Variants in NAP1L1 observed in about 807,000 individuals in gnomAD.
The protein encoded by NAP1L1 is nucleosome assembly protein 1 like 1, also known as nucleosome assembly protein 1-like 1.
NAP1L1 carries 9 observed loss-of-function variants against 58.9 expected under a neutral mutation model. The ratio of observed to expected loss-of-function variants is 0.15; its 90% confidence interval spans 0.09 to 0.27. The LOEUF (loss-of-function observed/expected upper bound fraction) is 0.27. NAP1L1 is among the 10% of genes least tolerant of loss of function. The pLI is 1.00. For synonymous variants in NAP1L1, 130 were observed against 138.3 expected, an observed-to-expected ratio of 0.94 and a Z score of 0.42; for missense variants, 302 against 458.8, an observed-to-expected ratio of 0.66 and a Z score of 3.12.
intron 4 of NAP1L1, among the ~76,000 whole-genome samples, chr12:76,066,848 A>G (rs1167238831): frequency 1.3e-5 from 2 of 152,162 alleles, no homozygotes; most frequent in African/African-American, 2.4e-5. Context: ...AAAGATGTCT[A>G]TAACAATAGA....
At position 76,047,342 on chromosome 12, in the gene NAP1L1, T is replaced by A. The variant is rs1047852954; in HGVS notation, c.*1087A>T. ...AAGAAACCATAGAAGCTTGGGGCCT[T>A]CTCTCTAGCTCTAACCCAAAGAAAA... On this transcript the variant is annotated 3_prime_UTR_variant, in exon 15 of 15. Transcript: ENST00000618691. The A allele has an allele frequency of 2.0e-5, 3 of 150,532 alleles. No individual in the cohort carries two copies. 9.3% of individuals were successfully genotyped at this position (150,532 alleles called of 1,614,324 possible).
intron 1 of NAP1L1, among the ~76,000 whole-genome samples, chr12:76,077,775 G>A (rs1950238188): frequency 6.6e-6 from 1 of 151,912 alleles, no homozygotes; most frequent in Non-Finnish European, 1.5e-5. Context: ...CCTGAGCTTA[G>A]GAGTTAGAGA....
rs964518338 is a variant in NAP1L1, at chr12:76,061,590, A to G, written c.207-1311T>C. Among the ~76,000 whole-genome samples, 95 of 152,162 alleles carry G rather than the reference A, an allele frequency of 6.2e-4. 1 individual carries two copies. The highest frequency in any genetic ancestry group is 3.2e-4 in the Non-Finnish European group (22 of 68,034). On this transcript the variant is annotated intron_variant, in intron 4 of 14. Coordinates refer to ENST00000618691, the MANE Select transcript of NAP1L1 (RefSeq NM_004537.7). ...GGGGCACTGATTTTTAAAAGGTTAT[A>G]CACACTAGGTTATGAGTCTCCTAAA...
chr12:76,083,065 G>A (rs1950468296), intron 1 of NAP1L1, among the ~76,000 whole-genome samples: 1 of 152,136 alleles, frequency 6.6e-6, no homozygotes, highest in African/African-American at 2.4e-5. Flanking sequence ...GGCTCCTTGA[G>A]GACATCCTGC....
At chr12:76,057,331 T>C (rs1949157129) in intron 6 of NAP1L1, 1 of 346,544 alleles carries the variant, frequency 2.9e-6, no homozygotes, top group South Asian at 2.7e-5. Flanking sequence ...TAATGACTTT[T>C]TGAGTACAGA....
At chr12:76,070,830 A>T (rs1405877762) in intron 2 of NAP1L1, among the ~76,000 whole-genome samples, 2 of 152,118 alleles carry the variant, frequency 1.3e-5, no homozygotes, top group South Asian at 2.1e-4. Context: ...TCACCTCTAG[A>T]TTACTTATAA....
rs921955083 is a variant in NAP1L1, at chr12:76,056,097, T to C, written c.494A>G (p.Lys165Arg). The C allele has an allele frequency of 1.4e-5, 23 of 1,612,720 alleles. No individual in the cohort carries two copies. Among genetic ancestry groups the C allele is most frequent in the East Asian group, 6.7e-5 (3 of 44,790 alleles). Residue 165 changes from lysine to arginine, a missense_variant, in exon 7 of 15, where the codon AAA becomes AGA. Physicochemically the swap from Lys to Arg is conservative, Grantham distance 26. Coordinates refer to ENST00000618691, the MANE Select transcript of NAP1L1 (RefSeq NM_004537.7). The part of the protein sequence containing the change: ...EKKDEEKEDP[K>R]GIPEFWLTVF... The stretch of plus-strand genomic sequence containing the variant: ...AGTTAACCAAAATTCAGGAATTCCT[T>C]TGGGGTCTTCTTTTTCTTCATCTTT...
intron 1 of NAP1L1, among the ~76,000 whole-genome samples, chr12:76,081,116 A>C (rs1161157453): frequency 3.3e-5 from 5 of 152,090 alleles, no homozygotes; most frequent in Non-Finnish European, 7.3e-5. Context: ...CAGGTATTCT[A>C]AGCAACAGAA....
intron 10 of NAP1L1, 21 bp downstream of exon 10, chr12:76,053,184 T>C: frequency 6.2e-7 from 1 of 1,612,868 alleles, no homozygotes; most frequent in Non-Finnish European, 8.5e-7. Flanking sequence ...CCGTTAATAC[T>C]CAAGCTAAAA....
intron 2 of NAP1L1, among the ~76,000 whole-genome samples, chr12:76,069,462 A>G (rs1175514202): frequency 6.6e-6 from 1 of 152,210 alleles, no homozygotes; most frequent in East Asian, 1.9e-4. Context: ...CCTTAACAGG[A>G]TGGTAGATAG....
intron 6 of NAP1L1, chr12:76,058,088 AGAT>A (rs931144946): frequency 1.3e-6 from 1 of 758,696 alleles, no homozygotes; most frequent in Non-Finnish European, 2.5e-6. Context: ...AGACAGAAGT[AGAT>A]GATGACAGCA....
Position 76,048,208 on chromosome 12 carries a change from G to A in NAP1L1, c.*221C>T. On this transcript the variant is annotated 3_prime_UTR_variant, in exon 15 of 15. Transcript: ENST00000618691. The stretch of plus-strand genomic sequence containing the variant: ...AGAACCAAATTATGTAGCAATGAAT[G>A]AACATGCGTGACAGAATTTGTGCAT... 2.2e-6 allele frequency: 1 copy of A among 464,238 alleles called. No homozygotes were observed. Among genetic ancestry groups the A allele is most frequent in the South Asian group, 4.6e-5 (1 of 21,914 alleles). The allele number at this position is 464,238 out of a possible 1,614,324, so 28.8% of individuals were successfully genotyped here.
intron 4 of NAP1L1, among the ~76,000 whole-genome samples, chr12:76,063,355 T>C (rs981103279): frequency 6.6e-6 from 1 of 152,142 alleles, no homozygotes; most frequent in Non-Finnish European, 1.5e-5. Context: ...CCATTAACTT[T>C]GGAACCAGAA....
rs548636747 is a variant in NAP1L1 at position 76,046,275 on chromosome 12, A to T, written c.*2154T>A. 9.2e-5 allele frequency: 14 copies of T among 152,516 alleles called. No homozygotes were observed. Among genetic ancestry groups the T allele is most frequent in the African/African-American group, 3.4e-4 (14 of 41,552 alleles). 9.4% of individuals were successfully genotyped at this position (152,516 alleles called of 1,614,324 possible). On this transcript the variant is annotated 3_prime_UTR_variant, in exon 15 of 15. Transcript: ENST00000618691. ...TTTTGGAACTGGAAAAATGGCATAA[A>T]CACTGACGTCCCTTAAAACTTCAAT...
chr12:76,076,592 A>ATATATATATC (rs1565747788), intron 1 of NAP1L1, among the ~76,000 whole-genome samples: 20 of 139,722 alleles, frequency 1.4e-4, no homozygotes, highest in Non-Finnish European at 9.3e-5. Context: ...ATATATATAT[A>ATATATATATC]TCTCCACTCA....
rs990758912 is a variant in NAP1L1 at position 76,043,511 on chromosome 12, A to G, written c.*4918T>C. On this transcript the variant is annotated 3_prime_UTR_variant, in exon 15 of 15. Transcript: ENST00000618691. ...AAAAAAAAAAAAATTTCTACATGGA[A>G]TGGTCATCCTCATCCTCACTTGAAA... 6.6e-6 allele frequency: 1 copy of G among 151,780 alleles called. No individual in the cohort carries two copies. The highest frequency in any genetic ancestry group is 1.5e-5 in the Non-Finnish European group (1 of 67,992). The allele number at this position is 151,780 out of a possible 1,614,324, so 9.4% of individuals were successfully genotyped here. A position where few individuals can be genotyped will look rare whatever the true frequency, so the allele number is the denominator to read the frequency against.
intron 3 of NAP1L1, among the ~76,000 whole-genome samples, chr12:76,068,244 A>G (rs1027783850): frequency 1.3e-5 from 2 of 152,200 alleles, no homozygotes; most frequent in Admixed American, 6.6e-5. Flanking sequence ...TTAAATATCA[A>G]TATTGGTCAC....
intron 4 of NAP1L1, among the ~76,000 whole-genome samples, chr12:76,066,133 TAAATAAAC>T (rs1178818952): frequency 0.03 from 3,275 of 109,576 alleles, 124 homozygotes; most frequent in African/African-American, 0.1. Flanking sequence ...AATAAATAAA[TAAATAAAC>T]AAACAAACAA....
intron 2 of NAP1L1, among the ~76,000 whole-genome samples, chr12:76,072,083 T>C (rs1372035061): frequency 1.3e-5 from 2 of 150,890 alleles, no homozygotes; most frequent in African/African-American, 2.4e-5. Flanking sequence ...TCCAATCAAT[T>C]TTCTTTTTTA....
Sources: allele counts gnomAD v4.1 joint callset (sites outside exome capture counted in the v4.1 genomes callset), GRCh38; gene constraint gnomAD v4.1.1; transcripts MANE v1.5; gene names NCBI Gene and HGNC (gene_info 2026-07-23, HGNC 2026-07-21).